METTL8: variants seen among roughly 807,000 people sequenced by gnomAD.
The protein encoded by METTL8 is tRNA N(3)-cytidine methyltransferase METTL8, mitochondrial.
METTL8 carries 32 observed loss-of-function variants against 48.7 expected under a neutral mutation model. The ratio of observed to expected loss-of-function variants is 0.66; its 90% confidence interval spans 0.50 to 0.88. METTL8 has a LOEUF of 0.88. Among genes scored for constraint, METTL8 ranks in the 40% least tolerant of loss-of-function variants. The pLI is 0.00. For missense variants in METTL8, 464 were observed against 474.4 expected, an observed-to-expected ratio of 0.98 and a Z score of 0.20; for synonymous variants, 136 against 157.1, an observed-to-expected ratio of 0.87 and a Z score of 1.01.
chr2:171,397,352 TAAAAAAAA>T (rs71013039), intron 1 of METTL8, among the ~76,000 whole-genome samples: 3 of 11,708 alleles, frequency 2.6e-4, no homozygotes, highest in Admixed American at 1.7e-3. Context: ...ACCCTGTCTC[TAAAAAAAA>T]AAAAAAAAAA....
intron 7 of METTL8, among the ~76,000 whole-genome samples, chr2:171,328,715 G>A (rs1343375332): frequency 2.0e-5 from 3 of 152,024 alleles, no homozygotes; most frequent in African/African-American, 4.8e-5. Flanking sequence ...TTTTTGAGAC[G>A]GAGTCTCTGT....
chr2:171,400,790 A>G (rs913233087), intron 1 of METTL8, among the ~76,000 whole-genome samples: 9 of 152,138 alleles, frequency 5.9e-5, no homozygotes, highest in African/African-American at 2.2e-4. Flanking sequence ...GCTTTCTTGC[A>G]TTTTAATACT....
intron 1 of METTL8, among the ~76,000 whole-genome samples, chr2:171,393,840 AT>A (rs1688810822): frequency 6.6e-6 from 1 of 152,220 alleles, no homozygotes; most frequent in Non-Finnish European, 1.5e-5. Flanking sequence ...GAACTGCAGA[AT>A]GTCAAAAACA....
chr2:171,414,845 G>T (rs1035932588), intron 1 of METTL8: 2 of 152,146 alleles, frequency 1.3e-5, no homozygotes, highest in African/African-American at 2.4e-5. Flanking sequence ...CACATGTTGC[G>T]GGAGGCATCT....
chr2:171,324,067 C>T lies in METTL8; in HGVS notation c.*105G>A, dbSNP rs1203622970. 1 of 964,036 alleles carries T rather than the reference C, an allele frequency of 1.0e-6. No individual in the cohort carries two copies. Among genetic ancestry groups the T allele is most frequent in the African/African-American group, 1.7e-5 (1 of 60,174 alleles). The allele number at this position is 964,036 out of a possible 1,614,324, so 59.7% of individuals were successfully genotyped here. ...ACCTATGACAAAACGGCAGGAAATA[C>T]AAATTCTCTTCTTTTTTTCTCATTG... On this transcript the variant is annotated 3_prime_UTR_variant, in exon 10 of 10. Coordinates refer to ENST00000375258, the MANE Select transcript of METTL8 (RefSeq NM_001321154.2).
At chr2:171,406,703 C>A (rs1291509869) in intron 1 of METTL8, among the ~76,000 whole-genome samples, 1 of 152,062 alleles carries the variant, frequency 6.6e-6, no homozygotes, top group Non-Finnish European at 1.5e-5. Flanking sequence ...TTTAGGGGGA[C>A]ACAATGCAGT....
At chr2:171,415,349 CTTT>C (rs762739077) in intron 1 of METTL8, among the ~76,000 whole-genome samples, 29 of 112,368 alleles carry the variant, frequency 2.6e-4, no homozygotes, top group African/African-American at 1.1e-3. Context: ...ATCTCGAAAT[CTTT>C]TTTTTTTTTT....
intron 3 of METTL8, among the ~76,000 whole-genome samples, chr2:171,340,427 G>A (rs540097664): frequency 1.7e-4 from 25 of 150,082 alleles, no homozygotes; most frequent in Non-Finnish European, 3.4e-4. Context: ...GCTTGAACCC[G>A]GGAGGAGAAA....
At chr2:171,328,427 C>A (rs1308026107) in intron 7 of METTL8, among the ~76,000 whole-genome samples, 1 of 152,182 alleles carries the variant, frequency 6.6e-6, no homozygotes, top group East Asian at 1.9e-4. Context: ...TCCAAGCTAC[C>A]AAGATGCTAC....
chr2:171,342,917 G>A (rs552074420), intron 3 of METTL8, among the ~76,000 whole-genome samples: 1 of 152,238 alleles, frequency 6.6e-6, no homozygotes, highest in African/African-American at 2.4e-5. Flanking sequence ...GCTCATGCCT[G>A]TAATCCCAAC....
rs909465049 is a variant in METTL8, at chr2:171,316,907, G to C, written c.*7265C>G. Among the ~76,000 whole-genome samples, 7 of 152,136 alleles carry C rather than the reference G, an allele frequency of 4.6e-5. No individual in the cohort carries two copies. The highest frequency in any genetic ancestry group is 1.7e-4 in the African/African-American group (7 of 41,436). On this transcript the variant is annotated 3_prime_UTR_variant, in exon 10 of 10. Coordinates refer to ENST00000375258, the MANE Select transcript of METTL8 (RefSeq NM_001321154.2). ...GGGATATGTCTCTGCTCACCTGAGG[G>C]AGCAGGGCACAACTAAAGATGTAAG...
chr2:171,368,876 A>AAT (rs1553517807), intron 2 of METTL8, among the ~76,000 whole-genome samples: 3 of 151,810 alleles, frequency 2.0e-5, no homozygotes, highest in East Asian at 1.9e-4. Context: ...GTCTTAAAAA[A>AAT]ATATATATAT....
intron 1 of METTL8, among the ~76,000 whole-genome samples, chr2:171,420,305 C>G (rs1372949765): frequency 6.6e-6 from 1 of 152,230 alleles, no homozygotes; most frequent in Non-Finnish European, 1.5e-5. Flanking sequence ...GTATGATGCT[C>G]TTCCCGCTAG....
intron 3 of METTL8, among the ~76,000 whole-genome samples, chr2:171,355,505 C>T (rs1043238887): frequency 1.3e-4 from 20 of 152,178 alleles, no homozygotes; most frequent in African/African-American, 3.4e-4. Context: ...TGTCAGACAG[C>T]GACGATTAAG....
intron 1 of METTL8, among the ~76,000 whole-genome samples, chr2:171,431,964 G>A (rs1030059481): frequency 6.6e-6 from 1 of 152,192 alleles, no homozygotes; most frequent in Admixed American, 6.5e-5. Context: ...TGGTCCAGCC[G>A]CAAGCGGTGC....
intron 3 of METTL8, among the ~76,000 whole-genome samples, chr2:171,359,975 A>G (rs757754770): frequency 7.9e-5 from 12 of 152,160 alleles, no homozygotes; most frequent in Non-Finnish European, 1.5e-4. Flanking sequence ...TTAAATATAA[A>G]GGCCTTCAAG....
At chr2:171,431,996 G>A (rs1446524415) in intron 1 of METTL8, among the ~76,000 whole-genome samples, 2 of 152,210 alleles carry the variant, frequency 1.3e-5, no homozygotes, top group Non-Finnish European at 2.9e-5. Context: ...TCCTGTGCCG[G>A]CACTTGGAGC....
At chr2:171,346,281 C>G (rs1027468110) in intron 3 of METTL8, among the ~76,000 whole-genome samples, 2 of 152,202 alleles carry the variant, frequency 1.3e-5, no homozygotes, top group African/African-American at 4.8e-5. Context: ...TCCACCTTGG[C>G]CTCCCAAAGT....
intron 3 of METTL8, among the ~76,000 whole-genome samples, chr2:171,348,163 T>TG (rs1683490379): frequency 6.6e-6 from 1 of 152,226 alleles, no homozygotes; most frequent in East Asian, 1.9e-4. Context: ...GTGGGATTAG[T>TG]GATCTTCCTT....
Sources: allele counts gnomAD v4.1 joint callset (sites outside exome capture counted in the v4.1 genomes callset), GRCh38; gene constraint gnomAD v4.1.1; transcripts MANE v1.5; gene names NCBI Gene and HGNC (gene_info 2026-07-23, HGNC 2026-07-21).